MYO1E: variants seen among roughly 807,000 people sequenced by gnomAD.
MYO1E encodes the protein unconventional myosin-Ie.
Under a neutral mutation model 151.1 loss-of-function variants are expected in MYO1E, and 68 were observed. That is an observed-to-expected ratio of 0.45 (90% CI 0.37 to 0.55). The LOEUF is 0.55. Among genes scored for constraint, MYO1E ranks in the 20% least tolerant of loss-of-function variants. MYO1E has a pLI of 0.00. For missense variants in MYO1E, 1,363 were observed against 1,389.3 expected (o/e 0.98, Z 0.30); for synonymous variants, 601 against 501.7 (o/e 1.20, Z -2.64).
chr15:59,371,588 A>T (rs1214779719), intron 1 of MYO1E, among the ~76,000 whole-genome samples: 1 of 152,120 alleles, frequency 6.6e-6, no homozygotes, highest in Non-Finnish European at 1.5e-5. Flanking sequence ...GAGTTGGAAT[A>T]GCAGAAAAGT....
At chr15:59,355,562 ACAGTTTGACCCTGC>A (rs2080848377) in intron 1 of MYO1E, among the ~76,000 whole-genome samples, 1 of 152,212 alleles carries the variant, frequency 6.6e-6, no homozygotes, top group African/African-American at 2.4e-5. Flanking sequence ...TTTTATGCGC[ACAGTTTGACCCTGC>A]CAGTCTTAGT....
intron 12 of MYO1E, 79 bp downstream of exon 12, chr15:59,214,149 A>G: frequency 8.1e-7 from 1 of 1,235,994 alleles, no homozygotes; most frequent in South Asian, 1.4e-5. Flanking sequence ...GAAATCTATT[A>G]ACAAAAGACA....
At chr15:59,214,199 A>G in intron 12 of MYO1E, 29 bp downstream of exon 12, 2 of 1,538,330 alleles carry the variant, frequency 1.3e-6, no homozygotes, top group South Asian at 2.3e-5. Flanking sequence ...TTATAAATAG[A>G]ATAGGATGAA....
At chr15:59,248,780 T>C (rs539997125) in intron 4 of MYO1E, among the ~76,000 whole-genome samples, 1 of 152,318 alleles carries the variant, frequency 6.6e-6, no homozygotes, top group African/African-American at 2.4e-5. Context: ...TTAGTTCATG[T>C]GTTCACATCT....
chr15:59,178,443 C>T lies in MYO1E; in HGVS notation c.1999G>A (p.Asp667Asn), dbSNP rs368888160. Residue 667 changes from aspartate (D) to asparagine (N), a missense_variant, in exon 19 of 28, where the codon GAC becomes AAC. Physicochemically the swap from Asp to Asn is conservative, Grantham distance 23 (BLOSUM62 1). Coordinates refer to ENST00000288235, the MANE Select transcript of MYO1E (RefSeq NM_004998.4). ...TTACTCCTCCCCAGCTGGAACTGGT[C>T]GCTGTCCATGTTGACCGACTGCAGC... ...HLLQSVNMDSDQFQLGRSKVF... is the reference protein window; with the variant it reads ...HLLQSVNMDSNQFQLGRSKVF... 51 of 1,614,098 alleles carry T rather than the reference C, an allele frequency of 3.2e-5. No homozygotes were observed. The African/African-American group carries it at 4.5e-4, about 14-fold the overall frequency.
In MYO1E at chr15:59,210,498, C is replaced by T. The variant is rs74017399; in HGVS notation, c.1362+16G>A. 1.3e-6 allele frequency: 2 copies of T among 1,515,408 alleles called. No homozygotes were observed. Among genetic ancestry groups the T allele is most frequent in the Admixed American group, 3.3e-5 (2 of 59,896 alleles). The allele number at this position is 1,515,408 out of a possible 1,614,324, so 93.9% of individuals were successfully genotyped here. On this transcript the variant is annotated intron_variant, in intron 13 of 27. Coordinates refer to ENST00000288235, the MANE Select transcript of MYO1E (RefSeq NM_004998.4). ...AACCTGTGAGCAGTGAAAAGACATA[C>T]TAAATGAACACTTACCACTTTGTTC...
At chr15:59,189,932 C>T (rs568196205) in intron 17 of MYO1E, among the ~76,000 whole-genome samples, 2 of 152,286 alleles carry the variant, frequency 1.3e-5, no homozygotes, top group Admixed American at 1.3e-4. Flanking sequence ...GATTTTCATA[C>T]CAGAAGATGC....
At chr15:59,351,647 TTA>T (rs1167974806) in intron 1 of MYO1E, among the ~76,000 whole-genome samples, 6 of 152,080 alleles carry the variant, frequency 3.9e-5, no homozygotes. Context: ...TAAGAAACGC[TTA>T]TAATGTTCCC....
In MYO1E at chr15:59,171,659, C is replaced by A. The variant is rs76174097; in HGVS notation, c.2480+238G>T. ...GTTTCGGTTACAAGAGATCTGGGTC[C>A]CCCTTGATTAGAGGAGCTGTCCGGA... On this transcript the variant is annotated intron_variant, in intron 22 of 27. Coordinates refer to ENST00000288235, the MANE Select transcript of MYO1E (RefSeq NM_004998.4). 0.013 allele frequency among the ~76,000 whole-genome samples: 2,002 copies of A among 152,260 alleles called. 61 individuals carry two copies. Among genetic ancestry groups the A allele is most frequent in the African/African-American group, 0.046 (1,921 of 41,534 alleles).
chr15:59,272,551 A>G (rs2080294655), intron 1 of MYO1E, 102 bp from the exon 2 acceptor site: 1 of 1,234,186 alleles, frequency 8.1e-7, no homozygotes, highest in Non-Finnish European at 1.2e-6. Context: ...AATAAAATGT[A>G]GCAGAAAGAG....
chr15:59,359,175 C>A (rs1288176267), intron 1 of MYO1E, among the ~76,000 whole-genome samples: 1 of 151,724 alleles, frequency 6.6e-6, no homozygotes, highest in Non-Finnish European at 1.5e-5. Context: ...CCTATAATCC[C>A]AGCATTTTGG....
At chr15:59,318,780 G>C (rs1302672610) in intron 1 of MYO1E, among the ~76,000 whole-genome samples, 1 of 152,196 alleles carries the variant, frequency 6.6e-6, no homozygotes, top group Non-Finnish European at 1.5e-5. Context: ...AACTCTTTGA[G>C]ACAGATGTTG....
At chr15:59,222,032 T>C (rs2079959342) in intron 9 of MYO1E, among the ~76,000 whole-genome samples, 1 of 152,248 alleles carries the variant, frequency 6.6e-6, no homozygotes, top group Non-Finnish European at 1.5e-5. Context: ...GTCATGTTTT[T>C]AGACTTTATG....
At chr15:59,363,998 G>T (rs779587808) in intron 1 of MYO1E, among the ~76,000 whole-genome samples, 1 of 152,022 alleles carries the variant, frequency 6.6e-6, no homozygotes, top group African/African-American at 2.4e-5. Context: ...GGCTGGTCTC[G>T]AACTCCTGAC....
intron 22 of MYO1E, among the ~76,000 whole-genome samples, 155 bp from the exon 23 acceptor site, chr15:59,163,458 A>G (rs1366613083): frequency 6.6e-6 from 1 of 152,216 alleles, no homozygotes; most frequent in Admixed American, 6.5e-5. Context: ...AAAACCAACA[A>G]CAATGAATTA....
At chr15:59,161,477 G>T (rs1366727378) in intron 23 of MYO1E, among the ~76,000 whole-genome samples, 1 of 152,194 alleles carries the variant, frequency 6.6e-6, no homozygotes, top group Non-Finnish European at 1.5e-5. Context: ...GGTGAGGGAG[G>T]TACATCTGGC....
chr15:59,208,721 C>T lies in MYO1E; in HGVS notation c.1490G>A (p.Ser497Asn). 1 of 1,614,200 alleles carries T rather than the reference C, an allele frequency of 6.2e-7. No individual in the cohort carries two copies. The highest frequency in any genetic ancestry group is 8.5e-7 in the Non-Finnish European group (1 of 1,180,038). Residue 497 changes from serine (S) to asparagine (N), a missense_variant, in exon 14 of 28, where the codon AGT becomes AAT. Ser to Asn is a conservative substitution (Grantham distance 46, BLOSUM62 1). Transcript: ENST00000288235. ...ATGAATGATGAAGCCTTGGTTCCAA[C>T]TGTTGAAGTGCTCATGACTCCCAAT... ...MQIGSHEHFN[S>N]WNQGFIIHHY... is the part of the protein sequence containing the mutation.
chr15:59,326,807 A>G (rs2080667356), intron 1 of MYO1E, among the ~76,000 whole-genome samples: 1 of 152,200 alleles, frequency 6.6e-6, no homozygotes, highest in African/African-American at 2.4e-5. Context: ...CTTTGTCAAT[A>G]TGGTAAAAAG....
intron 4 of MYO1E, among the ~76,000 whole-genome samples, chr15:59,247,584 G>A (rs764340108): frequency 6.6e-6 from 1 of 152,196 alleles, no homozygotes; most frequent in Non-Finnish European, 1.5e-5. Context: ...CACTCAGGAA[G>A]TCTATCTTGC....
Sources: allele counts gnomAD v4.1 joint callset (sites outside exome capture counted in the v4.1 genomes callset), GRCh38; gene constraint gnomAD v4.1.1; transcripts MANE v1.5; gene names NCBI Gene and HGNC (gene_info 2026-07-23, HGNC 2026-07-21).